The following IDH3G variants were observed in gnomAD, a reference collection of about 807,000 sequenced individuals.
IDH3G encodes isocitrate dehydrogenase [NAD] subunit gamma, mitochondrial.
In IDH3G, 9 loss-of-function variants were observed where a neutral mutation model predicts 26.9. That is an observed-to-expected ratio of 0.34 (90% CI 0.20 to 0.58). The LOEUF (loss-of-function observed/expected upper bound fraction) is 0.58. Ranked by LOEUF, IDH3G falls within the 20% of genes least tolerant of loss-of-function variation. The pLI is 0.85. For missense variants in IDH3G, 250 were observed against 372.8 expected (o/e 0.67, Z 2.71); for synonymous variants, 181 against 160.0 (o/e 1.13, Z -0.99).
At position 153,787,811 on chromosome X, in the gene IDH3G, C is replaced by T; in HGVS notation, c.540+12G>A. On this transcript the variant is annotated intron_variant, in intron 7 of 12. Coordinates refer to ENST00000217901, the MANE Select transcript of IDH3G (RefSeq NM_004135.4). Reference sequence around the variant, plus strand: ...ACGCTGGGGGGGCTCATCTCGGGCCCCCCATGCACACCTCATGCTCCAGGC... The same window carrying T: ...ACGCTGGGGGGGCTCATCTCGGGCCTCCCATGCACACCTCATGCTCCAGGC... 8.3e-7 allele frequency: 1 copy of T among 1,201,879 alleles called. No individual in the cohort carries two copies. The highest frequency in any genetic ancestry group is 3.0e-5 in the East Asian group (1 of 33,602).
chrX:153,790,146 C>T, intron 4 of IDH3G, 49 bp downstream of exon 4: 2 of 1,068,752 alleles, frequency 1.9e-6, no homozygotes, highest in Non-Finnish European at 2.6e-6. Context: ...GCACAAAGTC[C>T]TCAGGGCCCC....
rs1557069275 is a variant in IDH3G, at chrX:153,786,823, T to C, written c.902A>G (p.His301Arg). ...PGLVAGANYG[H>R]VYAVFETATR... ...CACTGTTTCAAACACCGCGTACACA[T>C]GGCCATAGTTGGCCCCAGCCACAAG... Residue 301 changes from histidine (H) to arginine (R), a missense_variant, in exon 10 of 13, where the codon CAT becomes CGT. By Grantham distance (29) the His-to-Arg change is conservative (BLOSUM62 0). Around this residue, in one of 2 missense-constraint regions of IDH3G, gnomAD observed 201 missense variants for 331.3 expected, o/e 0.61. Coordinates refer to ENST00000217901, the MANE Select transcript of IDH3G (RefSeq NM_004135.4). 3 of 1,209,090 alleles carry C rather than the reference T, an allele frequency of 2.5e-6. 1 individual carries two copies. The South Asian group carries it at 5.3e-5, about 21-fold the overall frequency.
intron 5 of IDH3G, 79 bp downstream of exon 5, chrX:153,789,633 G>T: frequency 1.7e-6 from 1 of 593,918 alleles, no homozygotes; most frequent in South Asian, 2.7e-5. Flanking sequence ...AAGCGAGCAA[G>T]TAAGCAAGAA....
chrX:153,786,337 G>GCA lies in IDH3G; in HGVS notation c.1019+16_1019+17dup, dbSNP rs2092087739. The GCA allele has an allele frequency of 1.7e-6, 2 of 1,204,164 alleles. No individual in the cohort carries two copies. Among genetic ancestry groups the GCA allele is most frequent in the African/African-American group, 3.5e-5 (2 of 57,805 alleles). ...GGAGGGCTGGCCAGGGGCTTGCGGGGCACTGGGAGCCACTCACTTGAGGTG... is the reference window on the plus strand; with the variant it reads ...GGAGGGCTGGCCAGGGGCTTGCGGGGCACACTGGGAGCCACTCACTTGAGGTG... On this transcript the variant is annotated intron_variant, in intron 11 of 12. Coordinates refer to ENST00000217901, the MANE Select transcript of IDH3G (RefSeq NM_004135.4).
In IDH3G at chrX:153,787,931, G is replaced by A. The variant is rs1557069595; in HGVS notation, c.432C>T (p.Asn144=). ...ILRTSLDLYA[N]VIHCKSLPGV... is the part of the protein sequence containing the mutation. ...CTGGAAGGCTCTTACAGTGGATGACGTTGGCATAGAGGTCCAGGCTGGTGC... is the reference window on the plus strand; with the variant it reads ...CTGGAAGGCTCTTACAGTGGATGACATTGGCATAGAGGTCCAGGCTGGTGC... Residue 144 remains asparagine, a synonymous_variant, in exon 7 of 13, where the codon AAC becomes AAT. Transcript: ENST00000217901. 3.3e-6 allele frequency: 4 copies of A among 1,209,972 alleles called. No individual in the cohort carries two copies. The highest frequency in any genetic ancestry group is 2.2e-5 in the Admixed American group (1 of 45,943).
In IDH3G at chrX:153,785,958, T is replaced by C. The variant is rs1557069020; in HGVS notation, c.1096A>G (p.Ile366Val). The C allele has an allele frequency of 7.4e-6, 9 of 1,209,693 alleles. No homozygotes were observed. The highest frequency in any genetic ancestry group is 1.0e-5 in the Non-Finnish European group (9 of 895,087). The change falls in exon 13 of 13, where the codon ATC becomes GTC. Residue 366 changes from isoleucine to valine, a missense_variant. Transcript: ENST00000217901. ...MDNENMHTPD[I>V]GGQGTTSEAI... ...TCAGATGTTGTGCCCTGGCCCCCGA[T>C]GTCCGGAGTGTGCATCTGTAGGACA...
rs1557069499 is a variant in IDH3G, at chrX:153,787,577, C to T, written c.561G>A (p.Glu187=). 1 of 1,207,911 alleles carries T rather than the reference C, an allele frequency of 8.3e-7. No individual in the cohort carries two copies. The highest frequency in any genetic ancestry group is 2.2e-5 in the Admixed American group (1 of 45,983). The part of the protein sequence containing the change: ...LEHESVAGVV[E]SLKIITKAKS... ...TGGCCTTGGTGATGATCTTCAGGCT[C>T]TCCACCACTCCCGCCACACTCTGAG... The change falls in exon 8 of 13, where the codon GAG becomes GAA. Residue 187 remains glutamate (E), a synonymous_variant. Transcript: ENST00000217901.
chrX:153,788,050 C>T lies in IDH3G; in HGVS notation c.407+25G>A, dbSNP rs782761840. 1.6e-5 allele frequency: 19 copies of T among 1,211,566 alleles called. No homozygotes were observed. The South Asian group carries it at 3.3e-4, about 21-fold the overall frequency. Reference sequence around the variant, plus strand: ...CACCCCACCTTAGCCCCACCAAGCCCCCAGCCCGCACACCCGGATCTCACC... The same window carrying T: ...CACCCCACCTTAGCCCCACCAAGCCTCCAGCCCGCACACCCGGATCTCACC... On this transcript the variant is annotated intron_variant, in intron 6 of 12. Coordinates refer to ENST00000217901, the MANE Select transcript of IDH3G (RefSeq NM_004135.4).
chrX:153,785,882 A>G lies in IDH3G; in HGVS notation c.1172T>C (p.Val391Ala), dbSNP rs781876095. 1 of 1,211,073 alleles carries G rather than the reference A, an allele frequency of 8.3e-7. No individual in the cohort carries two copies. Among genetic ancestry groups the G allele is most frequent in the Non-Finnish European group, 1.1e-6 (1 of 895,429 alleles). ...RHIRVINGRA[V>A]EA ...GGTCCTAGGGCCAGCCTAGGCCTCC[A>G]CGGCCCGGCCGTTGATGACGCGGAT... Residue 391 changes from valine to alanine, a missense_variant, in exon 13 of 13, where the codon GTG becomes GCG. Physicochemically the swap from Val to Ala is moderately conservative, Grantham distance 64 (BLOSUM62 0). Coordinates refer to ENST00000217901, the MANE Select transcript of IDH3G (RefSeq NM_004135.4).
chrX:153,788,269 T>C, intron 5 of IDH3G, 134 bp from the exon 6 acceptor site: 1 of 645,683 alleles, frequency 1.5e-6, no homozygotes, highest in Non-Finnish European at 2.5e-6. Flanking sequence ...AGAATGCAAC[T>C]TCCAGCCTAA....
intron 2 of IDH3G, 102 bp downstream of exon 2, chrX:153,790,708 T>C (rs1175228639): frequency 1.9e-6 from 2 of 1,079,698 alleles, no homozygotes; most frequent in Non-Finnish European, 2.6e-6. Flanking sequence ...GGGTAGCCCC[T>C]GGAGACCACG....
At position 153,789,692 on chromosome X, in the gene IDH3G, C is replaced by A; in HGVS notation, c.346+20G>T. 9.9e-7 allele frequency: 1 copy of A among 1,010,956 alleles called. No individual in the cohort carries two copies. The highest frequency in any genetic ancestry group is 1.4e-6 in the Non-Finnish European group (1 of 722,081). 83.3% of individuals were successfully genotyped at this position (1,010,956 alleles called of 1,213,427 possible). A position where few individuals can be genotyped will look rare whatever the true frequency, so the allele number is the denominator to read the frequency against. ...AATCACACCTAGGGCCCCATCCTGG[C>A]CCCTGGCCCTGGAGCTCACCCTTCA... On this transcript the variant is annotated intron_variant, in intron 5 of 12. Transcript: ENST00000217901.
Position 153,790,787 on chromosome X carries a change from C to T in IDH3G, c.123+23G>A, listed in dbSNP as rs370204315. Reference sequence around the variant, plus strand: ...GCGGCCACATGGAGAAAGACACATGCGTGGGCACGGGCAGGTACTTACTGA... The same window carrying T: ...GCGGCCACATGGAGAAAGACACATGTGTGGGCACGGGCAGGTACTTACTGA... On this transcript the variant is annotated intron_variant, in intron 2 of 12. Coordinates refer to ENST00000217901, the MANE Select transcript of IDH3G (RefSeq NM_004135.4). The T allele has an allele frequency of 5.7e-5, 69 of 1,204,625 alleles. No individual in the cohort carries two copies. The African/African-American group carries it at 9.9e-4, about 17-fold the overall frequency.
Position 153,785,853 on chromosome X carries a change from A to G in IDH3G, c.*19T>C, listed in dbSNP as rs781830253. On this transcript the variant is annotated 3_prime_UTR_variant, in exon 13 of 13. Transcript: ENST00000217901. ...GAAGGGGAATCCAAGGAGCAAACCAAGAAGGTCCTAGGGCCAGCCTAGGCC... is the reference window on the plus strand; with the variant it reads ...GAAGGGGAATCCAAGGAGCAAACCAGGAAGGTCCTAGGGCCAGCCTAGGCC... 2.5e-6 allele frequency: 3 copies of G among 1,208,768 alleles called. No homozygotes were observed. The highest frequency in any genetic ancestry group is 3.4e-6 in the Non-Finnish European group (3 of 893,683).
In IDH3G at chrX:153,787,199, G is replaced by A. The variant is rs781867622; in HGVS notation, c.675-46C>T. 4.9e-6 allele frequency: 5 copies of A among 1,022,023 alleles called. No individual in the cohort carries two copies. In the Admixed American group the frequency reaches 9.2e-5, roughly 19 times the overall value. The allele number at this position is 1,022,023 out of a possible 1,213,427, so 84.2% of individuals were successfully genotyped here. A position where few individuals can be genotyped will look rare whatever the true frequency, so the allele number is the denominator to read the frequency against. On this transcript the variant is annotated intron_variant, in intron 8 of 12. Coordinates refer to ENST00000217901, the MANE Select transcript of IDH3G (RefSeq NM_004135.4). ...GGACACCAGCTTGGCCATCGCAACAGTCAGCCAGAGGGACGGGGCGTGCAG... is the reference window on the plus strand; with the variant it reads ...GGACACCAGCTTGGCCATCGCAACAATCAGCCAGAGGGACGGGGCGTGCAG...
intron 1 of IDH3G, among the ~76,000 whole-genome samples, chrX:153,791,982 CTT>C (rs1484528472): frequency 8.9e-6 from 1 of 112,312 alleles, no homozygotes; most frequent in Non-Finnish European, 1.9e-5. Context: ...CGGGTCGGGA[CTT>C]TTCTGTCTTC....
chrX:153,788,642 G>A (rs185146638), intron 5 of IDH3G, among the ~76,000 whole-genome samples: 18 of 113,042 alleles, frequency 1.6e-4, no homozygotes, highest in African/African-American at 5.4e-4. Context: ...GCCAGTGGCC[G>A]CTGGAGACAG....
rs2092103538 is a variant in IDH3G, at chrX:153,789,994, GCA to G, written c.234-172_234-171del. On this transcript the variant is annotated intron_variant, in intron 4 of 12. Transcript: ENST00000217901. ...TGGGGACACGCTTGAACTCCACAAT[GCA>G]CACTGTGGCAGGACTGGTGCCACCT... 1.5e-5 allele frequency: 7 copies of G among 477,933 alleles called. No individual in the cohort carries two copies. The South Asian group carries it at 2.2e-4, about 15-fold the overall frequency. The allele number at this position is 477,933 out of a possible 1,213,427, so 39.4% of individuals were successfully genotyped here. A position where few individuals can be genotyped will look rare whatever the true frequency, so the allele number is the denominator to read the frequency against.
At position 153,790,554 on chromosome X, in the gene IDH3G, G is replaced by A. The variant is rs377743175; in HGVS notation, c.135+10C>T. On this transcript the variant is annotated intron_variant, in intron 3 of 12. Transcript: ENST00000217901. ...CCCCCCAAACCTAACAGGCAGAGAA[G>A]AATACTCACAATTGTTTGTTCCTAG... The A allele has an allele frequency of 7.8e-5, 94 of 1,206,060 alleles. No individual in the cohort carries two copies. In the African/African-American group the frequency reaches 1.4e-3, roughly 18 times the overall value.
Sources: gnomAD v4.1 joint callset for allele counts (sites outside exome capture counted in the v4.1 genomes callset) on GRCh38, gnomAD v4.1.1 for gene constraint, gnomAD v4.1.1 regional missense constraint, MANE v1.5 for transcripts, NCBI Gene and HGNC (gene_info 2026-07-23, HGNC 2026-07-21) for gene names.